HIPK2: variants seen among roughly 807,000 people sequenced by gnomAD.
The protein encoded by HIPK2 is homeodomain interacting protein kinase 2, also known as homeodomain-interacting protein kinase 2.
Under a neutral mutation model 113.7 loss-of-function variants are expected in HIPK2, and 27 were observed. That is an observed-to-expected ratio of 0.24 (90% CI 0.17 to 0.33). The LOEUF is 0.33. HIPK2 is among the 10% of genes least tolerant of loss of function. HIPK2 has a pLI of 1.00. For synonymous variants in HIPK2, 631 were observed against 642.2 expected (o/e 0.98, Z 0.26); for missense variants, 1,257 against 1,588.0 (o/e 0.79, Z 3.54).
At chr7:139,686,527 T>C (rs1794227151) in intron 2 of HIPK2, among the ~76,000 whole-genome samples, 1 of 152,180 alleles carries the variant, frequency 6.6e-6, no homozygotes, top group Admixed American at 6.5e-5. Context: ...TTCATGCTGT[T>C]CTCATGACAG....
chr7:139,757,457 C>A (rs1162407351), intron 1 of HIPK2, among the ~76,000 whole-genome samples: 1 of 152,124 alleles, frequency 6.6e-6, no homozygotes, highest in African/African-American at 2.4e-5. Flanking sequence ...CTCCTGCACT[C>A]ATGAAATCTC....
intron 6 of HIPK2, among the ~76,000 whole-genome samples, chr7:139,620,830 C>T (rs1173531484): frequency 1.3e-5 from 2 of 152,238 alleles, no homozygotes; most frequent in Admixed American, 6.5e-5. Context: ...ACAAAACTGA[C>T]TGCTCACACT....
At chr7:139,701,890 C>A (rs1206690566) in intron 2 of HIPK2, among the ~76,000 whole-genome samples, 1 of 152,090 alleles carries the variant, frequency 6.6e-6, no homozygotes, top group Non-Finnish European at 1.5e-5. Context: ...CAGACTGGAA[C>A]GGACGGTGAG....
At chr7:139,715,775 A>G (rs749988274) in intron 2 of HIPK2, 157 bp downstream of exon 2, 4 of 599,466 alleles carry the variant, frequency 6.7e-6, no homozygotes, top group Non-Finnish European at 8.4e-6. Flanking sequence ...TGACATCGCA[A>G]TGTGCACATG....
chr7:139,632,212 A>G (rs544904634), intron 2 of HIPK2, among the ~76,000 whole-genome samples: 2 of 152,260 alleles, frequency 1.3e-5, no homozygotes, highest in East Asian at 3.9e-4. Flanking sequence ...ATTCACAGGC[A>G]TGATCATAGC....
chr7:139,732,759 A>G (rs933987269), intron 1 of HIPK2, among the ~76,000 whole-genome samples: 3 of 148,684 alleles, frequency 2.0e-5, no homozygotes, highest in Non-Finnish European at 3.0e-5. Context: ...ATAACTATAT[A>G]TAACATATAT....
intron 1 of HIPK2, among the ~76,000 whole-genome samples, chr7:139,753,545 G>T (rs1438075354): frequency 6.6e-6 from 1 of 152,206 alleles, no homozygotes; most frequent in Non-Finnish European, 1.5e-5. Context: ...ACCATCGAGG[G>T]AGATTATCTT....
intron 2 of HIPK2, among the ~76,000 whole-genome samples, chr7:139,648,251 G>A (rs537145757): frequency 6.6e-6 from 1 of 152,300 alleles, no homozygotes; most frequent in South Asian, 2.1e-4. Context: ...TTGAATTGAA[G>A]GCTAAGTGAA....
At chr7:139,712,787 G>A (rs1330658294) in intron 2 of HIPK2, among the ~76,000 whole-genome samples, 1 of 152,176 alleles carries the variant, frequency 6.6e-6, no homozygotes, top group East Asian at 1.9e-4. Context: ...CACACAGCTG[G>A]GACGAAAAGA....
intron 6 of HIPK2, among the ~76,000 whole-genome samples, chr7:139,623,406 A>G (rs556672994): frequency 4.7e-4 from 70 of 150,154 alleles, no homozygotes; most frequent in Non-Finnish European, 8.4e-4. Flanking sequence ...GCTACTCGGG[A>G]GGCTGAGGCA....
intron 1 of HIPK2, among the ~76,000 whole-genome samples, chr7:139,738,016 G>C (rs1352484203): frequency 6.6e-6 from 1 of 152,218 alleles, no homozygotes; most frequent in African/African-American, 2.4e-5. Context: ...ACATGAGTTA[G>C]AGAAAGGATT....
intron 2 of HIPK2, among the ~76,000 whole-genome samples, chr7:139,677,528 G>A (rs1802545530): frequency 6.6e-6 from 1 of 152,068 alleles, no homozygotes; most frequent in African/African-American, 2.4e-5. Flanking sequence ...GAAGGCAGAA[G>A]GTCAAGAGAG....
chr7:139,664,612 C>T (rs574479376), intron 2 of HIPK2, among the ~76,000 whole-genome samples: 2 of 152,284 alleles, frequency 1.3e-5, no homozygotes, highest in African/African-American at 2.4e-5. Context: ...TCCACCCTTC[C>T]TGCTATGGCG....
At chr7:139,661,988 T>C (rs1457034973) in intron 2 of HIPK2, among the ~76,000 whole-genome samples, 1 of 152,246 alleles carries the variant, frequency 6.6e-6, no homozygotes, top group Non-Finnish European at 1.5e-5. Flanking sequence ...AAAATACACT[T>C]GCTAAGACTA....
At chr7:139,620,870 T>C (rs1176328710) in intron 6 of HIPK2, among the ~76,000 whole-genome samples, 5 of 152,218 alleles carry the variant, frequency 3.3e-5, no homozygotes, top group African/African-American at 7.2e-5. Flanking sequence ...ACCTGCAGCA[T>C]CACTGCTCAT....
chr7:139,648,116 C>T (rs1458730087), intron 2 of HIPK2, among the ~76,000 whole-genome samples: 1 of 152,232 alleles, frequency 6.6e-6, no homozygotes, highest in South Asian at 2.1e-4. Flanking sequence ...CCAAATTCCA[C>T]CCCCAGTCTG....
In HIPK2 at chr7:139,716,395, C is replaced by T. The variant is rs1382262276; in HGVS notation, c.640G>A (p.Val214Ile). 1.2e-6 allele frequency: 2 copies of T among 1,613,970 alleles called. No individual in the cohort carries two copies. Among genetic ancestry groups the T allele is most frequent in the Admixed American group, 1.7e-5 (1 of 59,998 alleles). ...TTGGTGCCCCGTTTCCAGCACTTGA[C>T]CACTTGCCCAAACGTCCCTCGGCCC... ...FLGRGTFGQV[V>I]KCWKRGTNEI... Residue 214 changes from valine to isoleucine, a missense_variant, in exon 2 of 15, where the codon GTC becomes ATC. Val to Ile is a conservative substitution (Grantham distance 29). Coordinates refer to ENST00000406875, the MANE Select transcript of HIPK2 (RefSeq NM_022740.5). The surrounding 1 kb of genome is among the most constrained non-coding windows in gnomAD (Gnocchi z 9.3).
At chr7:139,703,762 A>C (rs1254402333) in intron 2 of HIPK2, among the ~76,000 whole-genome samples, 2,231 of 129,394 alleles carry the variant, frequency 0.017, 80 homozygotes, top group African/African-American at 0.062. Flanking sequence ...ACACACACAC[A>C]CCCACACACT....
At chr7:139,708,965 T>C (rs971069145) in intron 2 of HIPK2, among the ~76,000 whole-genome samples, 3 of 152,212 alleles carry the variant, frequency 2.0e-5, no homozygotes, top group African/African-American at 4.8e-5. Flanking sequence ...CAGGGCAGTA[T>C]ACACAGAGCA....
Sources: gnomAD v4.1 joint callset for allele counts (sites outside exome capture counted in the v4.1 genomes callset) on GRCh38, gnomAD v4.1.1 for gene constraint, Gnocchi (gnomAD v3.1) non-coding constraint, MANE v1.5 for transcripts, NCBI Gene and HGNC (gene_info 2026-07-23, HGNC 2026-07-21) for gene names.